ALCAM: variants seen among roughly 807,000 people sequenced by gnomAD.
The protein encoded by ALCAM is activated leukocyte cell adhesion molecule.
A neutral mutation model predicts 70.9 loss-of-function variants in ALCAM; 30 were observed. That is an observed-to-expected ratio of 0.42 (90% CI 0.32 to 0.57). The LOEUF (loss-of-function observed/expected upper bound fraction) is 0.57, where lower values mean the gene tolerates loss of function less well. ALCAM is among the 20% of genes least tolerant of loss of function. ALCAM has a pLI of 0.11. For missense variants in ALCAM, 591 were observed against 695.1 expected (o/e 0.85, Z 1.68); for synonymous variants, 249 against 242.5 (o/e 1.03, Z -0.25).
chr3:105,453,239 T>C (rs1937478579), intron 1 of ALCAM, among the ~76,000 whole-genome samples: 1 of 152,226 alleles, frequency 6.6e-6, no homozygotes. Flanking sequence ...CATCTTGAGT[T>C]GATTTCTGTA....
At chr3:105,553,739 C>A (rs753955770) in intron 14 of ALCAM, among the ~76,000 whole-genome samples, 6 of 151,832 alleles carry the variant, frequency 4.0e-5, no homozygotes, top group African/African-American at 7.2e-5. Context: ...AAAGTACACA[C>A]CATTATTATT....
At chr3:105,406,727 A>C (rs1469076098) in intron 1 of ALCAM, among the ~76,000 whole-genome samples, 2 of 151,980 alleles carry the variant, frequency 1.3e-5, no homozygotes, top group Non-Finnish European at 2.9e-5. Context: ...AAACGACAAC[A>C]ACAACAAAAA....
chr3:105,383,402 A>G (rs557173250), intron 1 of ALCAM, among the ~76,000 whole-genome samples: 130 of 151,938 alleles, frequency 8.6e-4, no homozygotes, highest in Non-Finnish European at 1.5e-3. Context: ...TTCTTAGTCT[A>G]CTGATACATA....
chr3:105,418,233 C>A (rs1361292229), intron 1 of ALCAM, among the ~76,000 whole-genome samples: 1 of 151,800 alleles, frequency 6.6e-6, no homozygotes, highest in African/African-American at 2.4e-5. Context: ...AGAACAAAGG[C>A]ATTGAAGAGG....
chr3:105,437,031 G>A (rs187511030), intron 1 of ALCAM, among the ~76,000 whole-genome samples: 1 of 152,286 alleles, frequency 6.6e-6, no homozygotes, highest in African/African-American at 2.4e-5. Context: ...ATACAGATGT[G>A]AACAAAACAG....
rs1434100363 is a variant in ALCAM, at chr3:105,547,296, C to T, written c.1240+12C>T. 4.4e-6 allele frequency: 7 copies of T among 1,583,596 alleles called. No individual in the cohort carries two copies. The highest frequency in any genetic ancestry group is 6.0e-6 in the Non-Finnish European group (7 of 1,166,692). The stretch of plus-strand genomic sequence containing the variant: ...TCTCATTGTAGAAGGTAATAAAATA[C>T]TTGGGCACTAATTCAAATTGTTCTT... On this transcript the variant is annotated intron_variant, in intron 10 of 15. Coordinates refer to ENST00000306107, the MANE Select transcript of ALCAM (RefSeq NM_001627.4).
intron 11 of ALCAM, among the ~76,000 whole-genome samples, chr3:105,549,735 A>C (rs1940345669): frequency 6.6e-6 from 1 of 151,434 alleles, no homozygotes; most frequent in African/African-American, 2.4e-5. Context: ...TAATTCCCAC[A>C]GTGAAGAACA....
intron 1 of ALCAM, among the ~76,000 whole-genome samples, chr3:105,402,968 TGG>T (rs1936127321): frequency 7.1e-6 from 1 of 140,808 alleles, no homozygotes. Context: ...TTTTCTTAAA[TGG>T]AGTTTTGCTC....
chr3:105,450,892 A>G (rs1446173176), intron 1 of ALCAM, among the ~76,000 whole-genome samples: 1 of 152,170 alleles, frequency 6.6e-6, no homozygotes, highest in African/African-American at 2.4e-5. Flanking sequence ...TTGGAGAAAA[A>G]AAATACTATT....
chr3:105,429,837 T>A (rs376979283), intron 1 of ALCAM, among the ~76,000 whole-genome samples: 1 of 151,988 alleles, frequency 6.6e-6, no homozygotes. Context: ...TTGATCTACA[T>A]TAAATTAGCA....
chr3:105,436,453 G>A (rs760556823), intron 1 of ALCAM, among the ~76,000 whole-genome samples: 34 of 151,850 alleles, frequency 2.2e-4, no homozygotes, highest in South Asian at 1.2e-3. Flanking sequence ...TCAGCCTCCC[G>A]AGTAGCTGGG....
chr3:105,576,718 A>G lies in ALCAM; in HGVS notation c.*2267A>G, dbSNP rs1940968324. The G allele has an allele frequency of 6.6e-6, 1 of 152,236 alleles. No individual in the cohort carries two copies. The highest frequency in any genetic ancestry group is 1.5e-5 in the Non-Finnish European group (1 of 68,036). The allele number at this position is 152,236 out of a possible 1,614,324, so 9.4% of individuals were successfully genotyped here. A position where few individuals can be genotyped will look rare whatever the true frequency, so the allele number is the denominator to read the frequency against. The stretch of plus-strand genomic sequence containing the variant: ...CCACATGCACGAAGATGCTAAGAAG[A>G]AAAAGAATTCCAAATCCTCAACTTT... On this transcript the variant is annotated 3_prime_UTR_variant, in exon 16 of 16. Coordinates refer to ENST00000306107, the MANE Select transcript of ALCAM (RefSeq NM_001627.4).
intron 1 of ALCAM, among the ~76,000 whole-genome samples, chr3:105,472,291 G>C (rs1049250403): frequency 6.6e-6 from 1 of 151,336 alleles, no homozygotes; most frequent in African/African-American, 2.4e-5. Flanking sequence ...AATATACATA[G>C]AAATCACTAA....
At chr3:105,519,390 T>C (rs1486438143) in intron 1 of ALCAM, among the ~76,000 whole-genome samples, 1 of 152,006 alleles carries the variant, frequency 6.6e-6, no homozygotes, top group African/African-American at 2.4e-5. Context: ...AATTATATTG[T>C]CTTCCAAAAA....
intron 1 of ALCAM, among the ~76,000 whole-genome samples, chr3:105,457,145 T>C (rs1937544184): frequency 6.6e-6 from 1 of 152,206 alleles, no homozygotes; most frequent in South Asian, 2.1e-4. Flanking sequence ...TTCCTTAAAA[T>C]ACATCTTAAA....
intron 4 of ALCAM, among the ~76,000 whole-genome samples, 161 bp from the exon 5 acceptor site, chr3:105,533,442 T>C (rs1358727058): frequency 6.6e-6 from 1 of 152,162 alleles, no homozygotes; most frequent in Non-Finnish European, 1.5e-5. Flanking sequence ...AAAGACATTG[T>C]TTTTATACCA....
intron 10 of ALCAM, 35 bp downstream of exon 10, chr3:105,547,319 C>G: frequency 2.5e-6 from 4 of 1,576,154 alleles, no homozygotes; most frequent in Non-Finnish European, 3.4e-6. Context: ...TCAAATTGTT[C>G]TTTGAGAATT....
Position 105,428,907 on chromosome 3 carries a change from A to C in ALCAM, c.73+61426A>C, listed in dbSNP as rs542527663. 3.3e-5 allele frequency among the ~76,000 whole-genome samples: 5 copies of C among 152,138 alleles called. No homozygotes were observed. In the South Asian group the frequency reaches 1.0e-3, roughly 32 times the overall value. On this transcript the variant is annotated intron_variant, in intron 1 of 15. Transcript: ENST00000306107. ...TAATCTTTATGCCTTAGTATCTTAC[A>C]ATTCTCCATTAACCTTTGATAAAAC...
At chr3:105,563,205 A>G (rs930372356) in intron 14 of ALCAM, among the ~76,000 whole-genome samples, 1 of 66,946 alleles carries the variant, frequency 1.5e-5, no homozygotes, top group African/African-American at 4.9e-5. Flanking sequence ...ACATTTTTGC[A>G]AAAAAAAAAA....
Sources: allele counts gnomAD v4.1 joint callset (sites outside exome capture counted in the v4.1 genomes callset), GRCh38; gene constraint gnomAD v4.1.1; transcripts MANE v1.5; gene names NCBI Gene and HGNC (gene_info 2026-07-23, HGNC 2026-07-21).